PCMTD1: variants seen among roughly 807,000 people sequenced by gnomAD.
The protein encoded by PCMTD1 is protein-L-isoaspartate (D-aspartate) O-methyltransferase domain containing 1, also known as protein-L-isoaspartate O-methyltransferase domain-containing protein 1.
Under a neutral mutation model 37.6 loss-of-function variants are expected in PCMTD1, and 12 were observed. The observed-to-expected ratio is 0.32, with a 90% CI of 0.20 to 0.52. The LOEUF is 0.52. Ranked by LOEUF, PCMTD1 falls within the 20% of genes least tolerant of loss-of-function variation. The pLI is 0.97. For synonymous variants in PCMTD1, 117 were observed against 135.8 expected, an observed-to-expected ratio of 0.86 and a Z score of 0.96; for missense variants, 235 against 421.3, an observed-to-expected ratio of 0.56 and a Z score of 3.87.
intron 1 of PCMTD1, among the ~76,000 whole-genome samples, chr8:51,895,552 G>C (rs1483804387): frequency 1.3e-5 from 2 of 152,114 alleles, no homozygotes; most frequent in African/African-American, 4.8e-5. Context: ...TTCCAAAAAG[G>C]ATTTTCAGGT....
At chr8:51,851,028 C>G (rs2038298500) in intron 2 of PCMTD1, among the ~76,000 whole-genome samples, 1 of 152,156 alleles carries the variant, frequency 6.6e-6, no homozygotes, top group Non-Finnish European at 1.5e-5. Context: ...ACCTAGACAA[C>G]TAAGAGAAGC....
chr8:51,889,863 TAC>T (rs2038912292), intron 1 of PCMTD1, among the ~76,000 whole-genome samples: 1 of 65,690 alleles, frequency 1.5e-5, no homozygotes, highest in South Asian at 7.9e-4. Flanking sequence ...TGTAAGGATA[TAC>T]GTGTGTGTGT....
intron 5 of PCMTD1, chr8:51,827,257 G>A (rs1371163632): frequency 1.3e-5 from 16 of 1,185,364 alleles, no homozygotes; most frequent in Non-Finnish European, 1.4e-5. Flanking sequence ...GTTACTGTTG[G>A]TTACTGATGA....
At chr8:51,834,482 C>G (rs571498482) in intron 3 of PCMTD1, among the ~76,000 whole-genome samples, 200 of 152,200 alleles carry the variant, frequency 1.3e-3, no homozygotes, top group African/African-American at 4.4e-3. Context: ...AAAACAGGCT[C>G]TAATATAAAC....
chr8:51,872,293 C>G (rs2038650886), intron 1 of PCMTD1, among the ~76,000 whole-genome samples: 1 of 152,142 alleles, frequency 6.6e-6, no homozygotes, highest in Admixed American at 6.6e-5. Context: ...TTACCAACAC[C>G]CTCTACATGC....
chr8:51,837,624 T>C (rs1396579388), intron 3 of PCMTD1, among the ~76,000 whole-genome samples: 2 of 152,172 alleles, frequency 1.3e-5, no homozygotes, highest in African/African-American at 4.8e-5. Flanking sequence ...GCTCTCAAAC[T>C]GCATATTCTC....
chr8:51,856,775 T>C (rs2038396137), intron 2 of PCMTD1, among the ~76,000 whole-genome samples: 1 of 152,232 alleles, frequency 6.6e-6, no homozygotes, highest in Admixed American at 6.5e-5. Flanking sequence ...ATTGTTATGA[T>C]TTCATTTATA....
intron 1 of PCMTD1, among the ~76,000 whole-genome samples, chr8:51,893,990 C>T (rs1432758757): frequency 6.6e-6 from 1 of 152,180 alleles, no homozygotes; most frequent in African/African-American, 2.4e-5. Flanking sequence ...CCAATTACAA[C>T]TGTTAGAGTA....
chr8:51,821,460 C>T (rs2037847418), intron 5 of PCMTD1, among the ~76,000 whole-genome samples: 1 of 152,082 alleles, frequency 6.6e-6, no homozygotes, highest in Admixed American at 6.5e-5. Flanking sequence ...TAAAAATACA[C>T]AAAAACCATC....
chr8:51,857,672 T>C (rs1048652097), intron 2 of PCMTD1, among the ~76,000 whole-genome samples: 3 of 152,100 alleles, frequency 2.0e-5, no homozygotes, highest in South Asian at 4.1e-4. Flanking sequence ...AGGGAAAATA[T>C]TTAAGGAGAA....
intron 2 of PCMTD1, among the ~76,000 whole-genome samples, chr8:51,857,710 T>A (rs1309066136): frequency 6.6e-6 from 1 of 152,176 alleles, no homozygotes; most frequent in African/African-American, 2.4e-5. Context: ...TATCTTCAAT[T>A]TGAAATTGAA....
chr8:51,879,229 GAA>G (rs112129715), intron 1 of PCMTD1, among the ~76,000 whole-genome samples: 1 of 146,772 alleles, frequency 6.8e-6, no homozygotes. Context: ...CACTTGAGGG[GAA>G]AAAAAAAAAA....
At chr8:51,847,446 G>A (rs1205791148) in intron 2 of PCMTD1, among the ~76,000 whole-genome samples, 1 of 151,994 alleles carries the variant, frequency 6.6e-6, no homozygotes, top group Non-Finnish European at 1.5e-5. Flanking sequence ...GGCCAACATG[G>A]CAAAACCCTG....
chr8:51,888,314 T>C (rs2038892007), intron 1 of PCMTD1, among the ~76,000 whole-genome samples: 1 of 152,202 alleles, frequency 6.6e-6, no homozygotes, highest in South Asian at 2.1e-4. Context: ...TGCAGGAGGA[T>C]TCCAGGTTGG....
chr8:51,828,572 A>G (rs35025549), intron 5 of PCMTD1, among the ~76,000 whole-genome samples: 9,397 of 152,252 alleles, frequency 0.062, 382 homozygotes, highest in Non-Finnish European at 0.087. Context: ...CTAAACAAGT[A>G]TCACTTTTGC....
At chr8:51,826,331 C>T (rs2129273830) in intron 5 of PCMTD1, among the ~76,000 whole-genome samples, 1 of 152,148 alleles carries the variant, frequency 6.6e-6, no homozygotes, top group East Asian at 1.9e-4. Flanking sequence ...CACATGGACA[C>T]AGGTAGGGGA....
chr8:51,872,042 A>G (rs2038646864), intron 1 of PCMTD1, among the ~76,000 whole-genome samples: 1 of 152,230 alleles, frequency 6.6e-6, no homozygotes, highest in African/African-American at 2.4e-5. Context: ...TGTGAACTCC[A>G]AGATAGAGAA....
In PCMTD1 at chr8:51,819,834, T is replaced by C. The variant is rs2037817516; in HGVS notation, c.*517A>G. The C allele has an allele frequency of 1.3e-5, 2 of 152,648 alleles. No individual in the cohort carries two copies. Among genetic ancestry groups the C allele is most frequent in the African/African-American group, 2.4e-5 (1 of 41,464 alleles). 9.5% of individuals were successfully genotyped at this position (152,648 alleles called of 1,614,324 possible). A position where few individuals can be genotyped will look rare whatever the true frequency, so the allele number is the denominator to read the frequency against. ...AATTATTCAATATCTTGTATTGTTA[T>C]TGCACTCATATATTGCCCGGAATAT... is the stretch of plus-strand genomic sequence containing the variant. On this transcript the variant is annotated 3_prime_UTR_variant, in exon 6 of 6. Coordinates refer to ENST00000522514, the MANE Select transcript of PCMTD1 (RefSeq NM_052937.4).
chr8:51,869,806 A>T (rs1032801682), intron 1 of PCMTD1, among the ~76,000 whole-genome samples: 7 of 152,156 alleles, frequency 4.6e-5, no homozygotes, highest in African/African-American at 7.2e-5. Flanking sequence ...TTTACTCATA[A>T]AACACAATTT....
Sources: allele counts gnomAD v4.1 joint callset (sites outside exome capture counted in the v4.1 genomes callset), GRCh38; gene constraint gnomAD v4.1.1; transcripts MANE v1.5; gene names NCBI Gene and HGNC (gene_info 2026-07-23, HGNC 2026-07-21).